Variants in EVA1C observed in about 807,000 individuals in gnomAD.
The protein encoded by EVA1C is protein eva-1 homolog C.
In EVA1C, 25 loss-of-function variants were observed where a neutral mutation model predicts 45.4. The observed-to-expected ratio is 0.55, with a 90% CI of 0.40 to 0.77. The LOEUF (loss-of-function observed/expected upper bound fraction) is 0.77, where lower values mean the gene tolerates loss of function less well. Ranked by LOEUF, EVA1C falls within the 30% of genes least tolerant of loss-of-function variation. The pLI is 0.00. For synonymous variants in EVA1C, 190 were observed against 221.2 expected (o/e 0.86, Z 1.25); for missense variants, 479 against 554.8 (o/e 0.86, Z 1.37).
intron 7 of EVA1C, among the ~76,000 whole-genome samples, chr21:32,513,353 T>G (rs2038023920): frequency 6.7e-6 from 1 of 148,720 alleles, no homozygotes; most frequent in East Asian, 2.0e-4. Context: ...GTTTTTTTTT[T>G]GTACTTTTGG....
rs373019116 is a variant in EVA1C, at chr21:32,474,482, C to T, written c.634+6634C>T. Among the ~76,000 whole-genome samples the T allele has an allele frequency of 2.0e-4, 30 of 152,354 alleles. No individual in the cohort carries two copies. The highest frequency in any genetic ancestry group is 7.2e-4 in the African/African-American group (30 of 41,586). On this transcript the variant is annotated intron_variant, in intron 4 of 7. Coordinates refer to ENST00000300255, the MANE Select transcript of EVA1C (RefSeq NM_058187.5). The surrounding 1 kb of genome is among the most constrained non-coding windows in gnomAD (Gnocchi z 4.4). ...CCCAGATGTCATCTCAGAGAGGTTT[C>T]TCCAGGCACCGGCCAGCATGGCACC...
intron 7 of EVA1C, among the ~76,000 whole-genome samples, chr21:32,505,322 C>T (rs1010542076): frequency 6.6e-6 from 1 of 152,114 alleles, no homozygotes; most frequent in Non-Finnish European, 1.5e-5. Flanking sequence ...GCCACCTTCT[C>T]ATTTTCATGT....
intron 5 of EVA1C, chr21:32,497,356 G>C (rs1170153281): frequency 4.6e-6 from 2 of 430,664 alleles, no homozygotes; most frequent in East Asian, 1.1e-4. Context: ...AAGAAACCAT[G>C]GGTTTCCTGG....
chr21:32,462,039 G>A (rs1362519535), intron 3 of EVA1C, among the ~76,000 whole-genome samples: 2 of 152,078 alleles, frequency 1.3e-5, no homozygotes, highest in Non-Finnish European at 2.9e-5. Context: ...CCATGGAGTT[G>A]AGCTCAGCAG....
chr21:32,425,029 G>A (rs1490606461), intron 1 of EVA1C, among the ~76,000 whole-genome samples: 1 of 151,962 alleles, frequency 6.6e-6, no homozygotes, highest in African/African-American at 2.4e-5. Flanking sequence ...GTATTTTGTA[G>A]GGTGGGTGCA....
At chr21:32,419,319 C>T (rs1012005322) in intron 1 of EVA1C, among the ~76,000 whole-genome samples, 1 of 152,142 alleles carries the variant, frequency 6.6e-6, no homozygotes, top group Non-Finnish European at 1.5e-5. Context: ...TCCCTCGTTA[C>T]CCACCCCTAT....
At chr21:32,429,123 A>T (rs2034601313) in intron 1 of EVA1C, among the ~76,000 whole-genome samples, 1 of 149,744 alleles carries the variant, frequency 6.7e-6, no homozygotes, top group South Asian at 2.1e-4. Flanking sequence ...TCCCGGGTTT[A>T]AGTGATTCTC....
chr21:32,450,476 G>T (rs1368411333), intron 1 of EVA1C, among the ~76,000 whole-genome samples: 2 of 148,238 alleles, frequency 1.3e-5, no homozygotes, highest in African/African-American at 2.5e-5. Flanking sequence ...TTGATTTGAT[G>T]TGTGGTCAGC....
chr21:32,433,801 G>A (rs987831951), intron 1 of EVA1C, among the ~76,000 whole-genome samples: 2 of 151,950 alleles, frequency 1.3e-5, no homozygotes, highest in African/African-American at 2.4e-5. Flanking sequence ...TCATTACAAC[G>A]GTAGTCAAGT....
chr21:32,471,903 C>G (rs1036880995), intron 4 of EVA1C, among the ~76,000 whole-genome samples: 1 of 152,154 alleles, frequency 6.6e-6, no homozygotes, highest in Non-Finnish European at 1.5e-5. Context: ...ACTGGAATTA[C>G]AGGCGTGAGC....
chr21:32,445,406 G>A (rs1298529212), intron 1 of EVA1C, among the ~76,000 whole-genome samples: 2 of 152,162 alleles, frequency 1.3e-5, no homozygotes, highest in Non-Finnish European at 2.9e-5. Flanking sequence ...GGGCCTGCAA[G>A]GAATCTCCTT....
chr21:32,495,630 A>G (rs1372799382), intron 5 of EVA1C, among the ~76,000 whole-genome samples: 3 of 152,208 alleles, frequency 2.0e-5, no homozygotes, highest in East Asian at 3.8e-4. Context: ...ACATGCCCAC[A>G]GTGTTGAGTC....
intron 3 of EVA1C, among the ~76,000 whole-genome samples, chr21:32,464,410 A>G (rs1409717597): frequency 2.0e-5 from 3 of 152,234 alleles, no homozygotes; most frequent in Admixed American, 2.0e-4. Flanking sequence ...GTTTGCCAGC[A>G]GCAGAGCTGG....
At chr21:32,462,370 T>C (rs1043695486) in intron 3 of EVA1C, among the ~76,000 whole-genome samples, 1 of 152,104 alleles carries the variant, frequency 6.6e-6, no homozygotes, top group Admixed American at 6.6e-5. Flanking sequence ...CTCCAACCTA[T>C]ATGACAGGGT....
intron 4 of EVA1C, among the ~76,000 whole-genome samples, chr21:32,490,865 C>T (rs1392815411): frequency 6.6e-6 from 1 of 152,324 alleles, no homozygotes; most frequent in East Asian, 1.9e-4. Context: ...GCAAAGGCAC[C>T]AGGAGTAGGC....
chr21:32,508,147 G>A (rs2037835762), intron 7 of EVA1C, among the ~76,000 whole-genome samples: 1 of 152,230 alleles, frequency 6.6e-6, no homozygotes, highest in South Asian at 2.1e-4. Context: ...GGGGACTTAC[G>A]TATTTAGACA....
At chr21:32,437,299 A>G (rs2034995597) in intron 1 of EVA1C, among the ~76,000 whole-genome samples, 1 of 152,214 alleles carries the variant, frequency 6.6e-6, no homozygotes. Flanking sequence ...CCAAACACCC[A>G]TGAGTTCATC....
At position 32,467,693 on chromosome 21, in the gene EVA1C, C is replaced by T. The variant is rs781732750; in HGVS notation, c.482-3C>T. ...GTGCCTTCAATTTTTGTTTTTGCTT[C>T]AGATGAATTAAAAAACAAAACCGTG... On this transcript the variant is annotated splice_polypyrimidine_tract_variant and splice_region_variant and intron_variant, in intron 3 of 7. Transcript: ENST00000300255. 16 of 1,602,868 alleles carry T rather than the reference C, an allele frequency of 1.0e-5. No homozygotes were observed. In the Admixed American group the frequency reaches 2.1e-4, roughly 21 times the overall value.
intron 4 of EVA1C, among the ~76,000 whole-genome samples, chr21:32,479,098 T>C (rs2036685080): frequency 6.6e-6 from 1 of 152,184 alleles, no homozygotes. Context: ...TTATCACATG[T>C]ATTGGGGGTG....
Sources: allele counts gnomAD v4.1 joint callset (sites outside exome capture counted in the v4.1 genomes callset), GRCh38; gene constraint gnomAD v4.1.1; non-coding constraint Gnocchi (gnomAD v3.1); transcripts MANE v1.5; gene names NCBI Gene and HGNC (gene_info 2026-07-23, HGNC 2026-07-21).